The following AGTRAP variants were observed in gnomAD, a reference collection of about 807,000 sequenced individuals.
The protein encoded by AGTRAP is angiotensin II receptor associated protein.
In AGTRAP, 7 loss-of-function variants were observed where a neutral mutation model predicts 15.2. The observed-to-expected ratio is 0.46, with a 90% confidence interval of 0.26 to 0.87. The LOEUF is 0.87. AGTRAP is among the 40% of genes least tolerant of loss of function. The probability of loss-of-function intolerance (pLI) is 0.15; values close to 1 mark genes in which losing one functional copy is unlikely to be tolerated. For synonymous variants in AGTRAP, 74 were observed against 89.6 expected (o/e 0.83, Z 0.98); for missense variants, 187 against 213.4 (o/e 0.88, Z 0.77).
Position 11,749,770 on chromosome 1 carries a change from C to T in AGTRAP, c.365-307C>T, listed in dbSNP as rs190805006. Among the ~76,000 whole-genome samples the T allele has an allele frequency of 5.9e-5, 9 of 152,300 alleles. No individual in the cohort carries two copies. In the East Asian group the frequency reaches 1.5e-3, roughly 26 times the overall value. On this transcript the variant is annotated intron_variant, in intron 4 of 4. Transcript: ENST00000314340. ...CTGGCTTTGGACTCGGCTGCCTAGG[C>T]GTGGGTCCCAGCATCATCAGCTTTG...
chr1:11,738,833 G>A (rs1235249040), intron 1 of AGTRAP, among the ~76,000 whole-genome samples: 1 of 152,308 alleles, frequency 6.6e-6, no homozygotes, highest in Non-Finnish European at 1.5e-5. Flanking sequence ...CCACCCTGGG[G>A]GATCTCACTA....
chr1:11,748,744 G>C, intron 4 of AGTRAP, 134 bp downstream of exon 4: 2 of 1,065,752 alleles, frequency 1.9e-6, no homozygotes, highest in Non-Finnish European at 2.7e-6. Context: ...TGGCATGGGC[G>C]CTCTGTACTA....
In AGTRAP at chr1:11,746,188, T is replaced by C. The variant is rs372895164; in HGVS notation, c.62+351T>C. 7.4e-6 allele frequency: 12 copies of C among 1,613,118 alleles called. No individual in the cohort carries two copies. In the African/African-American group the frequency reaches 1.1e-4, roughly 14 times the overall value. ...AACCATTGAGCTCACCTGTGCACTTTGCAAACTTCGAAGTGCAGCGCACAG... is the reference window on the plus strand; with the variant it reads ...AACCATTGAGCTCACCTGTGCACTTCGCAAACTTCGAAGTGCAGCGCACAG... On this transcript the variant is annotated intron_variant, in intron 2 of 4. Coordinates refer to ENST00000314340, the MANE Select transcript of AGTRAP (RefSeq NM_020350.5).
chr1:11,747,631 C>G, intron 3 of AGTRAP, 86 bp downstream of exon 3: 1 of 1,361,312 alleles, frequency 7.3e-7, no homozygotes, highest in Non-Finnish European at 1.0e-6. Context: ...CCGTCCCATC[C>G]CAATCTTCCC....
intron 1 of AGTRAP, among the ~76,000 whole-genome samples, chr1:11,740,790 T>C (rs987040361): frequency 6.6e-6 from 1 of 152,062 alleles, no homozygotes; most frequent in Non-Finnish European, 1.5e-5. Context: ...AAAATGAAGA[T>C]CATTTCCAAA....
In AGTRAP at chr1:11,750,183, A is replaced by C. The variant is rs1570350578; in HGVS notation, c.471A>C (p.Arg157=). 2.5e-6 allele frequency: 4 copies of C among 1,613,110 alleles called. No individual in the cohort carries two copies. The highest frequency in any genetic ancestry group is 3.4e-6 in the Non-Finnish European group (4 of 1,179,700). Residue 157 remains arginine, a synonymous_variant, in exon 5 of 5, where the codon CGA becomes CGC. Coordinates refer to ENST00000314340, the MANE Select transcript of AGTRAP (RefSeq NM_020350.5). ...CAGAGGGCAGGAGTCAAGATGCCCG[A>C]GGGTACTGAAGCCAGCCACGCTGCG... ...AVPEGRSQDA[R]GY is the part of the protein sequence containing the mutation.
chr1:11,748,238 C>T (rs1021438070), intron 3 of AGTRAP, among the ~76,000 whole-genome samples, 177 bp from the exon 4 acceptor site: 4 of 152,210 alleles, frequency 2.6e-5, no homozygotes, highest in Non-Finnish European at 5.9e-5. Flanking sequence ...TCCCTGCCCC[C>T]AGACTGCAGT....
chr1:11,750,630 G>T lies in AGTRAP; in HGVS notation c.*438G>T. 5.4e-6 allele frequency: 2 copies of T among 368,316 alleles called. No individual in the cohort carries two copies. The highest frequency in any genetic ancestry group is 5.1e-5 in the East Asian group (1 of 19,490). 22.8% of individuals were successfully genotyped at this position (368,316 alleles called of 1,614,324 possible). On this transcript the variant is annotated 3_prime_UTR_variant, in exon 5 of 5. Transcript: ENST00000314340. ...AGGAGCAGTCTGGCATGGGAGTGAG[G>T]CCCCGTCCTTCTCACTGCCTGGTCA... is the stretch of plus-strand genomic sequence containing the variant.
chr1:11,750,135 G>T lies in AGTRAP; in HGVS notation c.423G>T (p.Ala141=), dbSNP rs146107418. 2 of 1,613,910 alleles carry T rather than the reference G, an allele frequency of 1.2e-6. No individual in the cohort carries two copies. Among genetic ancestry groups the T allele is most frequent in the East Asian group, 2.2e-5 (1 of 44,876 alleles). The change falls in exon 5 of 5, where the codon GCG becomes GCT. Residue 141 remains alanine (A), a synonymous_variant. Transcript: ENST00000314340. The part of the protein sequence containing the change: ...SAYQTIDSAE[A]PADPFAVPEG... ...ACCAGACGATTGACTCAGCAGAGGC[G>T]CCCGCAGATCCCTTTGCAGTCCCAG...
chr1:11,741,380 C>T (rs1642027209), intron 1 of AGTRAP, among the ~76,000 whole-genome samples: 1 of 152,234 alleles, frequency 6.6e-6, no homozygotes, highest in South Asian at 2.1e-4. Context: ...GGGCAGAGTA[C>T]CTGGTTAGCG....
At chr1:11,744,131 T>C (rs927410147) in intron 1 of AGTRAP, among the ~76,000 whole-genome samples, 2 of 152,014 alleles carry the variant, frequency 1.3e-5, no homozygotes, top group African/African-American at 2.4e-5. Context: ...AAAAATTAGC[T>C]GGGCGTGGTG....
chr1:11,749,957 T>C lies in AGTRAP; in HGVS notation c.365-120T>C, dbSNP rs1285446824. ...CCTGGGGCTGCTGCCTCTGTCTCTG[T>C]GCATGGTGTCAGGATGCCCAGCCCG... is the stretch of plus-strand genomic sequence containing the variant. On this transcript the variant is annotated intron_variant, in intron 4 of 4. Coordinates refer to ENST00000314340, the MANE Select transcript of AGTRAP (RefSeq NM_020350.5). 26 of 701,770 alleles carry C rather than the reference T, an allele frequency of 3.7e-5. 1 individual carries two copies. In the Middle Eastern group the frequency reaches 7.3e-4, roughly 20 times the overall value. The allele number at this position is 701,770 out of a possible 1,614,324, so 43.5% of individuals were successfully genotyped here. A position where few individuals can be genotyped will look rare whatever the true frequency, so the allele number is the denominator to read the frequency against.
intron 1 of AGTRAP, among the ~76,000 whole-genome samples, chr1:11,736,856 C>A (rs1641911373): frequency 6.7e-6 from 1 of 149,610 alleles, no homozygotes; most frequent in Admixed American, 6.9e-5. Flanking sequence ...CTTCATTTCC[C>A]GAGCCGTGAG....
At position 11,747,402 on chromosome 1, in the gene AGTRAP, G is replaced by A. The variant is rs76425954; in HGVS notation, c.63-38G>A. 3,648 of 1,588,156 alleles carry A rather than the reference G, an allele frequency of 2.3e-3. 78 individuals are homozygous for A. In the African/African-American group the frequency reaches 0.041, roughly 18 times the overall value. ...CAGGAGGGAGGTGACCTGCGGGGTG[G>A]TGGCCTCCTGACGGGACTGAGCTAC... On this transcript the variant is annotated intron_variant, in intron 2 of 4. Coordinates refer to ENST00000314340, the MANE Select transcript of AGTRAP (RefSeq NM_020350.5).
At chr1:11,742,809 C>G (rs373483349) in intron 1 of AGTRAP, among the ~76,000 whole-genome samples, 1 of 152,188 alleles carries the variant, frequency 6.6e-6, no homozygotes, top group African/African-American at 2.4e-5. Context: ...GGATTACAGG[C>G]GTGAGCCACC....
chr1:11,747,097 C>T (rs545993754), intron 2 of AGTRAP, among the ~76,000 whole-genome samples: 1 of 152,322 alleles, frequency 6.6e-6, no homozygotes, highest in Admixed American at 6.5e-5. Context: ...GCATTTTATT[C>T]CAAATGGGAC....
chr1:11,746,297 A>G (rs1642162714), intron 2 of AGTRAP: 1 of 1,299,284 alleles, frequency 7.7e-7, no homozygotes, highest in African/African-American at 1.5e-5. Context: ...TTTCTTAGTC[A>G]CACTTCCCCA....
chr1:11,747,552 C>T lies in AGTRAP; in HGVS notation c.168+7C>T. On this transcript the variant is annotated splice_region_variant and intron_variant, in intron 3 of 4. Transcript: ENST00000314340. The stretch of plus-strand genomic sequence containing the variant: ...CATCGACGCCATAAGCATGGTGAGC[C>T]AGGGTGGGGGAGAGGCGGCAAGGCG... The T allele has an allele frequency of 6.2e-7, 1 of 1,613,450 alleles. No individual in the cohort carries two copies. The highest frequency in any genetic ancestry group is 1.1e-5 in the South Asian group (1 of 91,084).
At chr1:11,736,785 T>TA (rs1440453301) in intron 1 of AGTRAP, among the ~76,000 whole-genome samples, 1 of 152,246 alleles carries the variant, frequency 6.6e-6, no homozygotes, top group Non-Finnish European at 1.5e-5. Flanking sequence ...AGAAATTACT[T>TA]AAAAGCAGAA....
Sources: gnomAD v4.1 joint callset for allele counts (sites outside exome capture counted in the v4.1 genomes callset) on GRCh38, gnomAD v4.1.1 for gene constraint, MANE v1.5 for transcripts, NCBI Gene and HGNC (gene_info 2026-07-23, HGNC 2026-07-21) for gene names.